Variants in SAXO1 observed in about 807,000 individuals in gnomAD.
SAXO1 encodes the protein stabilizer of axonemal microtubules 1.
SAXO1 carries 21 observed loss-of-function variants against 17.5 expected under a neutral mutation model. That is an observed-to-expected ratio of 1.20 (90% CI 0.85 to 1.72). The LOEUF (loss-of-function observed/expected upper bound fraction) is 1.72, where lower values mean the gene tolerates loss of function less well. SAXO1 is among the 40% of genes most tolerant of loss of function. The pLI is 0.00. For synonymous variants in SAXO1, 274 were observed against 216.5 expected (o/e 1.27, Z -2.33); for missense variants, 843 against 596.0 (o/e 1.41, Z -4.32).
intron 1 of SAXO1, among the ~76,000 whole-genome samples, chr9:18,986,792 GTTCAC>G (rs1225162314): frequency 6.6e-6 from 1 of 152,228 alleles, no homozygotes; most frequent in Non-Finnish European, 1.5e-5. Context: ...AGAGGGCACT[GTTCAC>G]TTCAAAGACA....
upstream of SAXO1, among the ~76,000 whole-genome samples, chr9:19,037,387 A>G (rs1191547554): frequency 2.6e-5 from 4 of 152,174 alleles, no homozygotes; most frequent in Admixed American, 1.3e-4. Context: ...GTCCCCACCC[A>G]TATCTCATCT....
chr9:19,005,515 T>C (rs1311912382), intron 1 of SAXO1, among the ~76,000 whole-genome samples: 1 of 152,178 alleles, frequency 6.6e-6, no homozygotes, highest in Non-Finnish European at 1.5e-5. Flanking sequence ...GTATCAAGAC[T>C]ATTCAATGTG....
At chr9:18,981,726 C>G (rs1833392498) in intron 1 of SAXO1, among the ~76,000 whole-genome samples, 1 of 152,140 alleles carries the variant, frequency 6.6e-6, no homozygotes, top group African/African-American at 2.4e-5. Flanking sequence ...ATCCTCACAG[C>G]AGGCTCACAG....
intron 1 of SAXO1, among the ~76,000 whole-genome samples, chr9:19,039,238 G>A (rs535896817): frequency 6.6e-6 from 1 of 152,282 alleles, no homozygotes; most frequent in South Asian, 2.1e-4. Flanking sequence ...ATACAAGGTG[G>A]TTTTAATATT....
chr9:18,951,471 C>T (rs958083174), intron 1 of SAXO1, among the ~76,000 whole-genome samples: 5 of 152,198 alleles, frequency 3.3e-5, no homozygotes, highest in African/African-American at 1.2e-4. Flanking sequence ...TCTGAGTCCA[C>T]CAGACACCAC....
At chr9:18,938,406 G>A (rs549298134) in intron 3 of SAXO1, among the ~76,000 whole-genome samples, 1 of 152,270 alleles carries the variant, frequency 6.6e-6, no homozygotes, top group African/African-American at 2.4e-5. Flanking sequence ...GGAAGGCAAA[G>A]TGCAATAAGG....
chr9:18,996,009 G>A (rs534541099), intron 1 of SAXO1, among the ~76,000 whole-genome samples: 12 of 151,250 alleles, frequency 7.9e-5, no homozygotes, highest in African/African-American at 2.7e-4. Context: ...AATCCAGGAG[G>A]TGGAGGTTGC....
At chr9:19,017,130 G>A (rs1407046937) in intron 1 of SAXO1, among the ~76,000 whole-genome samples, 1 of 152,018 alleles carries the variant, frequency 6.6e-6, no homozygotes, top group Non-Finnish European at 1.5e-5. Context: ...ACAACATAGT[G>A]AGAACTTGTT....
chr9:18,983,069 A>G lies in SAXO1; in HGVS notation c.39-32132T>C, dbSNP rs1475431803. 3.3e-5 allele frequency among the ~76,000 whole-genome samples: 5 copies of G among 152,320 alleles called. 1 individual carries two copies. The highest frequency in any genetic ancestry group is 1.2e-4 in the African/African-American group (5 of 41,568). On this transcript the variant is annotated intron_variant, in intron 1 of 3. Coordinates refer to ENST00000380534, the MANE Select transcript of SAXO1 (RefSeq NM_153707.4). ...CGGACCATTAGCAGAGAGGTTATTC[A>G]AGGAAGAAAAAAGGAAAGGAAAAAA...
intron 1 of SAXO1, among the ~76,000 whole-genome samples, chr9:18,956,077 A>G (rs563160931): frequency 6.7e-6 from 1 of 149,372 alleles, no homozygotes; most frequent in African/African-American, 2.5e-5. Flanking sequence ...AGTAGCTGGG[A>G]CTACAGGCAT....
At chr9:18,954,932 CAAG>C (rs777551667) in intron 1 of SAXO1, among the ~76,000 whole-genome samples, 224 of 123,306 alleles carry the variant, frequency 1.8e-3, no homozygotes, top group Non-Finnish European at 3.3e-3. Context: ...AAAAAAAAAA[CAAG>C]AATATAATAG....
intron 1 of SAXO1, among the ~76,000 whole-genome samples, chr9:18,962,195 G>A (rs1002564438): frequency 1.3e-5 from 2 of 152,156 alleles, no homozygotes; most frequent in Admixed American, 6.5e-5. Context: ...AGCCTCCTAA[G>A]TAGCTGGAAT....
intron 1 of SAXO1, among the ~76,000 whole-genome samples, chr9:18,980,563 A>G (rs1470959281): frequency 7.5e-6 from 1 of 133,102 alleles, no homozygotes. Flanking sequence ...GAGGAAGAAG[A>G]GGAGGAGGAG....
At chr9:18,988,168 A>C (rs770493204) in intron 1 of SAXO1, among the ~76,000 whole-genome samples, 1 of 152,238 alleles carries the variant, frequency 6.6e-6, no homozygotes, top group Non-Finnish European at 1.5e-5. Context: ...TGAGTTTTGC[A>C]ACTTCCTAGC....
At chr9:19,020,898 C>A (rs1348580956) in intron 1 of SAXO1, among the ~76,000 whole-genome samples, 3 of 152,174 alleles carry the variant, frequency 2.0e-5, no homozygotes, top group Admixed American at 6.5e-5. Flanking sequence ...ACTCTTCTGG[C>A]CTGCTTGTTC....
intron 3 of SAXO1, 83 bp downstream of exon 3, chr9:18,941,554 A>G: frequency 6.7e-7 from 1 of 1,502,478 alleles, no homozygotes; most frequent in Non-Finnish European, 9.2e-7. Flanking sequence ...GCACTAACTG[A>G]GTATGCACAT....
At chr9:19,036,538 G>A (rs1835944460), upstream of SAXO1, among the ~76,000 whole-genome samples, 1 of 152,166 alleles carries the variant, frequency 6.6e-6, no homozygotes, top group Admixed American at 6.5e-5. Flanking sequence ...AGCTGCTCCA[G>A]CCATGGCTGA....
intron 1 of SAXO1, among the ~76,000 whole-genome samples, chr9:19,011,258 A>C (rs1834722225): frequency 6.6e-6 from 1 of 152,140 alleles, no homozygotes; most frequent in African/African-American, 2.4e-5. Context: ...CATTTCTCCA[A>C]ATCCTATCAA....
intron 3 of SAXO1, among the ~76,000 whole-genome samples, chr9:18,933,907 G>T (rs779886969): frequency 6.6e-6 from 1 of 152,098 alleles, no homozygotes; most frequent in Non-Finnish European, 1.5e-5. Flanking sequence ...TTAGCCAGGC[G>T]TAGTGGCGGG....
Sources: allele counts gnomAD v4.1 joint callset (sites outside exome capture counted in the v4.1 genomes callset), GRCh38; gene constraint gnomAD v4.1.1; transcripts MANE v1.5; gene names NCBI Gene and HGNC (gene_info 2026-07-23, HGNC 2026-07-21).